The following NRG3 variants were observed in gnomAD, a reference collection of about 807,000 sequenced individuals.
NRG3 encodes neuregulin 3, also known as pro-neuregulin-3, membrane-bound isoform.
A neutral mutation model predicts 66.9 loss-of-function variants in NRG3; 31 were observed. That is an observed-to-expected ratio of 0.46 (90% CI 0.35 to 0.63). The LOEUF (loss-of-function observed/expected upper bound fraction) is 0.63, where lower values mean the gene tolerates loss of function less well. NRG3 is among the 20% of genes least tolerant of loss of function. The pLI is 0.00. For synonymous variants in NRG3, 393 were observed against 359.4 expected, an observed-to-expected ratio of 1.09 and a Z score of -1.06; for missense variants, 910 against 878.9, an observed-to-expected ratio of 1.04 and a Z score of -0.45.
intron 1 of NRG3, among the ~76,000 whole-genome samples, chr10:82,233,703 T>G (rs2076614907): frequency 6.6e-6 from 1 of 152,042 alleles, no homozygotes; most frequent in African/African-American, 2.4e-5. Context: ...TCTCCCTCAG[T>G]CTTCCCTTTC....
intron 2 of NRG3, among the ~76,000 whole-genome samples, chr10:82,548,205 T>C (rs1197246865): frequency 6.6e-6 from 1 of 152,080 alleles, no homozygotes; most frequent in Non-Finnish European, 1.5e-5. Flanking sequence ...CCATTTTGCT[T>C]TGTGAGAGAA....
intron 2 of NRG3, among the ~76,000 whole-genome samples, chr10:82,555,958 C>A (rs1237733979): frequency 6.6e-6 from 1 of 152,126 alleles, no homozygotes; most frequent in Non-Finnish European, 1.5e-5. Context: ...AACCTCCTCT[C>A]TTCATTCTTC....
intron 2 of NRG3, among the ~76,000 whole-genome samples, chr10:82,409,729 G>T (rs1349834681): frequency 2.0e-5 from 3 of 152,082 alleles, no homozygotes; most frequent in Non-Finnish European, 2.9e-5. Flanking sequence ...AATTATAAAA[G>T]AACCCAGGTG....
intron 3 of NRG3, among the ~76,000 whole-genome samples, chr10:82,739,476 G>A (rs1346482324): frequency 6.6e-6 from 1 of 152,150 alleles, no homozygotes; most frequent in Non-Finnish European, 1.5e-5. Flanking sequence ...TCATACATAC[G>A]TAACACAGAC....
intron 2 of NRG3, among the ~76,000 whole-genome samples, chr10:82,629,354 G>T (rs1183555194): frequency 6.6e-6 from 1 of 152,080 alleles, no homozygotes; most frequent in East Asian, 1.9e-4. Flanking sequence ...TACAAAAAAA[G>T]AAAAAGAAAA....
At chr10:82,364,474 A>T (rs2084393964) in intron 2 of NRG3, among the ~76,000 whole-genome samples, 1 of 152,160 alleles carries the variant, frequency 6.6e-6, no homozygotes, top group Non-Finnish European at 1.5e-5. Context: ...ATATTCTATG[A>T]TCTTTTCATT....
At chr10:82,150,956 C>CT (rs1165793289) in intron 1 of NRG3, among the ~76,000 whole-genome samples, 1 of 152,192 alleles carries the variant, frequency 6.6e-6, no homozygotes, top group Admixed American at 6.5e-5. Context: ...CTTGACAAAA[C>CT]TTGAGCCTTG....
intron 4 of NRG3, among the ~76,000 whole-genome samples, chr10:82,906,915 A>T (rs956360592): frequency 6.6e-6 from 1 of 152,210 alleles, no homozygotes; most frequent in Admixed American, 6.5e-5. Flanking sequence ...GTGATTATAC[A>T]CATAAGGAAA....
At chr10:81,921,655 G>C (rs1589461948) in intron 1 of NRG3, among the ~76,000 whole-genome samples, 1 of 152,004 alleles carries the variant, frequency 6.6e-6, no homozygotes, top group Non-Finnish European at 1.5e-5. Context: ...GTGTAATTTT[G>C]ACTGCTTGTA....
At chr10:82,868,789 T>C (rs1215451273) in intron 4 of NRG3, among the ~76,000 whole-genome samples, 2 of 152,140 alleles carry the variant, frequency 1.3e-5, no homozygotes, top group Non-Finnish European at 2.9e-5. Flanking sequence ...GCCTCCCAAG[T>C]TCAAGAGATT....
At chr10:82,096,807 CAT>C (rs1191941889) in intron 1 of NRG3, among the ~76,000 whole-genome samples, 1 of 152,062 alleles carries the variant, frequency 6.6e-6, no homozygotes, top group Non-Finnish European at 1.5e-5. Flanking sequence ...GATAAGCCAA[CAT>C]AATAATCCAT....
intron 1 of NRG3, among the ~76,000 whole-genome samples, chr10:82,091,115 C>T (rs892695140): frequency 3.3e-5 from 5 of 151,792 alleles, no homozygotes; most frequent in Admixed American, 6.6e-5. Flanking sequence ...CTCTTTCTTC[C>T]ATTTCATTGT....
chr10:82,066,192 T>TA (rs1283179296), intron 1 of NRG3, among the ~76,000 whole-genome samples: 3 of 152,176 alleles, frequency 2.0e-5, no homozygotes, highest in African/African-American at 7.2e-5. Context: ...AACTACCATA[T>TA]AAAACAAATA....
intron 1 of NRG3, among the ~76,000 whole-genome samples, chr10:82,313,645 G>A (rs368915656): frequency 8.9e-6 from 1 of 112,434 alleles, no homozygotes; most frequent in East Asian, 2.8e-4. Context: ...GGAATGAGCT[G>A]GGACCTCATT....
At chr10:82,282,379 CTG>C (rs1194687883) in intron 1 of NRG3, among the ~76,000 whole-genome samples, 1 of 152,100 alleles carries the variant, frequency 6.6e-6, no homozygotes, top group African/African-American at 2.4e-5. Context: ...AGTTGTGGAT[CTG>C]TGTCTTGAAA....
At chr10:82,872,491 C>G (rs1163587733) in intron 4 of NRG3, among the ~76,000 whole-genome samples, 3 of 152,076 alleles carry the variant, frequency 2.0e-5, no homozygotes, top group African/African-American at 7.2e-5. Context: ...ATACTTCATA[C>G]AGTTTAACAA....
chr10:82,470,405 T>C (rs552477990), intron 2 of NRG3, among the ~76,000 whole-genome samples: 1 of 152,196 alleles, frequency 6.6e-6, no homozygotes, highest in Non-Finnish European at 1.5e-5. Flanking sequence ...ATTATAAGGA[T>C]AATATGAGAC....
At chr10:82,193,750 A>G (rs921498382) in intron 1 of NRG3, among the ~76,000 whole-genome samples, 3 of 152,188 alleles carry the variant, frequency 2.0e-5, no homozygotes, top group African/African-American at 7.2e-5. Context: ...GAACAGTCTT[A>G]TTAGTAAGAA....
In NRG3 at chr10:81,899,341, G is replaced by A. The variant is rs572780374; in HGVS notation, c.823+23178G>A. Among the ~76,000 whole-genome samples, 3 of 152,294 alleles carry A rather than the reference G, an allele frequency of 2.0e-5. No individual in the cohort carries two copies. The South Asian group carries it at 6.2e-4, about 32-fold the overall frequency. ...AGTGCTACCTTTCACCTAACATTTT[G>A]TTAGTTTACGTGAAATAGTCAACAG... is the stretch of plus-strand genomic sequence containing the variant. On this transcript the variant is annotated intron_variant, in intron 1 of 8. Coordinates refer to ENST00000372141, the MANE Select transcript of NRG3 (RefSeq NM_001010848.4).
Sources: allele counts gnomAD v4.1 joint callset (sites outside exome capture counted in the v4.1 genomes callset), GRCh38; gene constraint gnomAD v4.1.1; transcripts MANE v1.5; gene names NCBI Gene and HGNC (gene_info 2026-07-23, HGNC 2026-07-21).